USP24: variants seen among roughly 807,000 people sequenced by gnomAD.
The protein encoded by USP24 is ubiquitin specific peptidase 24.
Under a neutral mutation model 361.6 loss-of-function variants are expected in USP24, and 97 were observed. The observed-to-expected ratio is 0.27, with a 90% CI of 0.23 to 0.32. The LOEUF (loss-of-function observed/expected upper bound fraction) is 0.32. Among genes scored for constraint, USP24 ranks in the 10% least tolerant of loss-of-function variants. The pLI is 1.00. For missense variants in USP24, 2,353 were observed against 3,165.6 expected (o/e 0.74, Z 6.16); for synonymous variants, 1,098 against 1,124.6 (o/e 0.98, Z 0.47).
At chr1:55,129,623 A>G (rs746616053) in intron 31 of USP24, 49 bp from the exon 32 acceptor site, 2 of 1,467,146 alleles carry the variant, frequency 1.4e-6, no homozygotes, top group Admixed American at 3.4e-5. Flanking sequence ...TTCAGCAGAA[A>G]TTACTCCTTT....
intron 51 of USP24, 149 bp downstream of exon 51, chr1:55,095,106 C>G: frequency 1.1e-6 from 1 of 932,916 alleles, no homozygotes; most frequent in Non-Finnish European, 1.5e-6. Flanking sequence ...AACCATGAAG[C>G]AATAAGGGAT....
chr1:55,168,034 A>G (rs1649062575), intron 5 of USP24, among the ~76,000 whole-genome samples: 1 of 152,162 alleles, frequency 6.6e-6, no homozygotes, highest in Non-Finnish European at 1.5e-5. Context: ...GAGAAAGTGT[A>G]GTGAATAAAG....
At chr1:55,143,396 A>G (rs1646943004) in intron 21 of USP24, among the ~76,000 whole-genome samples, 1 of 152,224 alleles carries the variant, frequency 6.6e-6, no homozygotes. Flanking sequence ...ACACAGCCCA[A>G]CAGGCTACTG....
Position 55,134,420 on chromosome 1 carries a change from G to C in USP24, c.3202-7C>G. 1 of 1,603,312 alleles carries C rather than the reference G, an allele frequency of 6.2e-7. No homozygotes were observed. Among genetic ancestry groups the C allele is most frequent in the Non-Finnish European group, 8.5e-7 (1 of 1,172,138 alleles). ...CACCAGGGAGGGATTTCTCCTGATG[G>C]AAAAAAGCAAAATAGAAATTCAAAT... On this transcript the variant is annotated splice_polypyrimidine_tract_variant and splice_region_variant and intron_variant, in intron 28 of 67. Coordinates refer to ENST00000294383, the MANE Select transcript of USP24 (RefSeq NM_015306.3).
intron 54 of USP24, among the ~76,000 whole-genome samples, chr1:55,091,208 C>T (rs542159712): frequency 4.2e-4 from 33 of 79,228 alleles, no homozygotes; most frequent in African/African-American, 8.8e-4. Context: ...CCGTTAGGAA[C>T]AGGGCCGCAC....
intron 32 of USP24, among the ~76,000 whole-genome samples, chr1:55,127,204 C>T (rs1239473219): frequency 2.6e-5 from 4 of 151,244 alleles, no homozygotes; most frequent in Non-Finnish European, 5.9e-5. Flanking sequence ...TCTCCTAATG[C>T]TATCCCTCCC....
chr1:55,166,654 T>C (rs1173516258), intron 5 of USP24, 51 bp from the exon 6 acceptor site: 1 of 1,454,292 alleles, frequency 6.9e-7, no homozygotes, highest in Non-Finnish European at 9.3e-7. Flanking sequence ...AGCTTCCCCA[T>C]TAACCCTTAC....
chr1:55,149,698 G>A (rs1570548137), intron 16 of USP24, among the ~76,000 whole-genome samples: 3 of 152,154 alleles, frequency 2.0e-5, no homozygotes, highest in Admixed American at 2.0e-4. Context: ...AGGCACAGGA[G>A]TAAGTTTTTA....
intron 67 of USP24, chr1:55,071,551 G>A (rs1006774438): frequency 3.5e-5 from 44 of 1,267,480 alleles, no homozygotes; most frequent in Non-Finnish European, 4.1e-5. Flanking sequence ...TGGCTTCATC[G>A]GGACTACCTG....
intron 1 of USP24, among the ~76,000 whole-genome samples, chr1:55,181,744 A>C (rs1266547977): frequency 6.6e-6 from 1 of 152,182 alleles, no homozygotes; most frequent in Non-Finnish European, 1.5e-5. Context: ...AAAGAAACAA[A>C]AGTCCCCTAG....
At position 55,101,995 on chromosome 1, in the gene USP24, T is replaced by C. The variant is rs971292375; in HGVS notation, c.5026-292A>G. Among the ~76,000 whole-genome samples, 7 of 152,204 alleles carry C rather than the reference T, an allele frequency of 4.6e-5. No individual in the cohort carries two copies. In the East Asian group the frequency reaches 7.7e-4, roughly 17 times the overall value. On this transcript the variant is annotated intron_variant, in intron 42 of 67. Transcript: ENST00000294383. ...TATCATTCAACAAATATTGATTAAATACCCTTCTATCTGCCAGGCACTGTG... is the reference window on the plus strand; with the variant it reads ...TATCATTCAACAAATATTGATTAAACACCCTTCTATCTGCCAGGCACTGTG...
chr1:55,195,652 A>G lies in USP24; in HGVS notation c.325-17520T>C, dbSNP rs551239537. The stretch of plus-strand genomic sequence containing the variant: ...AATCTTGCGACATACTATAACATGA[A>G]CAAGCCTTGAGGACATCATGCTTAG... On this transcript the variant is annotated intron_variant, in intron 1 of 67. Transcript: ENST00000294383. Among the ~76,000 whole-genome samples, 4 of 152,326 alleles carry G rather than the reference A, an allele frequency of 2.6e-5. No homozygotes were observed. In the South Asian group the frequency reaches 8.3e-4, roughly 32 times the overall value.
intron 1 of USP24, among the ~76,000 whole-genome samples, chr1:55,182,498 T>G (rs1476917490): frequency 6.6e-6 from 1 of 152,122 alleles, no homozygotes; most frequent in Non-Finnish European, 1.5e-5. Context: ...CCATGGGATA[T>G]CCATCATTAA....
At chr1:55,136,484 T>C (rs1037897366) in intron 28 of USP24, among the ~76,000 whole-genome samples, 2 of 152,134 alleles carry the variant, frequency 1.3e-5, no homozygotes, top group African/African-American at 4.8e-5. Context: ...GGGTGCCCTG[T>C]AGAGAAGAGA....
intron 32 of USP24, among the ~76,000 whole-genome samples, chr1:55,128,534 C>T (rs1646501052): frequency 6.6e-6 from 1 of 152,034 alleles, no homozygotes; most frequent in Admixed American, 6.6e-5. Flanking sequence ...AGTGCCCCTT[C>T]CCTCCTTATT....
chr1:55,168,398 A>T (rs1226976196), intron 5 of USP24, among the ~76,000 whole-genome samples: 2 of 152,226 alleles, frequency 1.3e-5, no homozygotes, highest in African/African-American at 2.4e-5. Flanking sequence ...ATAATATTTT[A>T]AAAAATATAG....
At chr1:55,201,404 C>A (rs952253525) in intron 1 of USP24, among the ~76,000 whole-genome samples, 2 of 151,244 alleles carry the variant, frequency 1.3e-5, no homozygotes, top group African/African-American at 4.9e-5. Context: ...AGTTTGAGAC[C>A]AGCCTGGCCA....
intron 16 of USP24, among the ~76,000 whole-genome samples, chr1:55,150,497 T>C (rs555541230): frequency 2.6e-5 from 4 of 152,280 alleles, no homozygotes; most frequent in African/African-American, 9.6e-5. Flanking sequence ...AAAATGACAG[T>C]AATAAAAACT....
chr1:55,131,910 T>C (rs1646604209), intron 31 of USP24, among the ~76,000 whole-genome samples: 1 of 152,182 alleles, frequency 6.6e-6, no homozygotes, highest in African/African-American at 2.4e-5. Flanking sequence ...TCTGACCTAT[T>C]ACTCTCCAAG....
Sources: gnomAD v4.1 joint callset for allele counts (sites outside exome capture counted in the v4.1 genomes callset) on GRCh38, gnomAD v4.1.1 for gene constraint, MANE v1.5 for transcripts, NCBI Gene and HGNC (gene_info 2026-07-23, HGNC 2026-07-21) for gene names.